The following GTF2IRD1 variants were observed in gnomAD, a reference collection of about 807,000 sequenced individuals.
The protein encoded by GTF2IRD1 is GTF2I repeat domain containing 1.
In GTF2IRD1, 26 loss-of-function variants were observed where a neutral mutation model predicts 113.2. The observed-to-expected ratio is 0.23, with a 90% CI of 0.17 to 0.32. The LOEUF (loss-of-function observed/expected upper bound fraction) is 0.32, where lower values mean the gene tolerates loss of function less well. GTF2IRD1 is among the 10% of genes least tolerant of loss of function. The pLI is 1.00. For missense variants in GTF2IRD1, 864 were observed against 1,280.8 expected (o/e 0.67, Z 4.97); for synonymous variants, 484 against 529.1 (o/e 0.91, Z 1.17).
At chr7:74,582,204 C>T (rs2267813) in intron 22 of GTF2IRD1, among the ~76,000 whole-genome samples, 11,255 of 152,222 alleles carry the variant, frequency 0.074, 581 homozygotes, top group East Asian at 0.19. Flanking sequence ...CAGATCGAGA[C>T]GTTGCCCTTT....
intron 1 of GTF2IRD1, among the ~76,000 whole-genome samples, chr7:74,501,415 G>A (rs1409479357): frequency 2.0e-5 from 3 of 152,170 alleles, no homozygotes; most frequent in African/African-American, 4.8e-5. Context: ...AACTGGTCCC[G>A]GCATTTGGGA....
chr7:74,590,490 G>A (rs1313800292), intron 23 of GTF2IRD1, among the ~76,000 whole-genome samples: 3 of 151,720 alleles, frequency 2.0e-5, no homozygotes, highest in African/African-American at 2.4e-5. Context: ...CTGGGTTCAC[G>A]TCATTCTCCT....
At chr7:74,468,356 TTAA>T (rs1793856102) in intron 1 of GTF2IRD1, among the ~76,000 whole-genome samples, 3 of 11,048 alleles carry the variant, frequency 2.7e-4, no homozygotes, top group Admixed American at 1.4e-3. Context: ...TAAAAATAAT[TTAA>T]AAAAAAAAAA....
chr7:74,501,756 A>G (rs1384808611), intron 1 of GTF2IRD1, among the ~76,000 whole-genome samples: 1 of 152,004 alleles, frequency 6.6e-6, no homozygotes, highest in African/African-American at 2.4e-5. Flanking sequence ...GGTTCGAGCG[A>G]TTCTCCTGTC....
intron 1 of GTF2IRD1, among the ~76,000 whole-genome samples, chr7:74,494,620 CTTAT>C (rs1177826026): frequency 3.9e-5 from 6 of 152,044 alleles, no homozygotes; most frequent in Non-Finnish European, 5.9e-5. Flanking sequence ...GTATTAAGAA[CTTAT>C]TTATTTATTT....
At chr7:74,559,195 G>A (rs1480413450) in intron 21 of GTF2IRD1, 151 bp downstream of exon 21, 2 of 725,900 alleles carry the variant, frequency 2.8e-6, no homozygotes, top group East Asian at 5.5e-5. Context: ...GGTGGTTGGA[G>A]AGGGACTGCA....
chr7:74,559,805 AG>A, intron 22 of GTF2IRD1, 150 bp downstream of exon 22: 1 of 582,778 alleles, frequency 1.7e-6, no homozygotes, highest in African/African-American at 2.0e-5. Flanking sequence ...TCTGAGGCAG[AG>A]TCCTTCTCTG....
chr7:74,474,675 TTG>T (rs1554333175), intron 1 of GTF2IRD1, among the ~76,000 whole-genome samples: 1 of 152,182 alleles, frequency 6.6e-6, no homozygotes, highest in African/African-American at 2.4e-5. Flanking sequence ...GAGAGTACTG[TTG>T]TGTTTGTAGT....
chr7:74,600,955 T>C, intron 25 of GTF2IRD1, 89 bp from the exon 26 acceptor site: 1 of 1,456,210 alleles, frequency 6.9e-7, no homozygotes. Flanking sequence ...CTCGAAACCT[T>C]AAGACAGAGC....
At chr7:74,523,929 C>T (rs587767275) in intron 7 of GTF2IRD1, 142 bp from the exon 8 acceptor site, 14 of 654,632 alleles carry the variant, frequency 2.1e-5, no homozygotes, top group African/African-American at 8.9e-5. Context: ...GTGTATGGTC[C>T]GAGGTGGGAG....
intron 1 of GTF2IRD1, among the ~76,000 whole-genome samples, chr7:74,472,266 C>CA (rs1489962313): frequency 6.6e-6 from 1 of 151,876 alleles, no homozygotes; most frequent in East Asian, 1.9e-4. Context: ...CCCCTCTTTC[C>CA]CTTCCTTGGA....
intron 22 of GTF2IRD1, among the ~76,000 whole-genome samples, chr7:74,588,573 C>T (rs782712593): frequency 2.0e-5 from 3 of 151,942 alleles, no homozygotes; most frequent in Non-Finnish European, 4.4e-5. Context: ...CTCTGTCTCC[C>T]GGGCTGGACT....
chr7:74,523,144 A>G (rs1554346380), intron 7 of GTF2IRD1, among the ~76,000 whole-genome samples: 2 of 152,186 alleles, frequency 1.3e-5, no homozygotes, highest in South Asian at 4.1e-4. Context: ...GTTTGAGTCC[A>G]AGAGTTGGAG....
intron 1 of GTF2IRD1, among the ~76,000 whole-genome samples, chr7:74,470,707 T>C (rs1055457424): frequency 6.6e-5 from 10 of 152,202 alleles, no homozygotes; most frequent in Admixed American, 6.6e-4. Context: ...AAAGGATGAA[T>C]GATGGATACC....
Position 74,555,452 on chromosome 7 carries a change from G to C in GTF2IRD1, c.1981G>C (p.Asp661His), listed in dbSNP as rs1554356508. 70 of 1,613,786 alleles carry C rather than the reference G, an allele frequency of 4.3e-5. No individual in the cohort carries two copies. The highest frequency in any genetic ancestry group is 5.8e-5 in the Non-Finnish European group (68 of 1,179,648). ...CCTGCCCCCAGAGAGGGATTCCGGG[G>C]ACCCTCTGGTGGACGAGAGCCTGAA... ...IMDSQERDSG[D>H]PLVDESLKRQ... The change falls in exon 19 of 27, where the codon GAC (aspartate) becomes CAC (histidine). Residue 661 changes from aspartate to histidine, a missense_variant. Physicochemically the swap from Asp to His is moderately conservative, Grantham distance 81 (BLOSUM62 -1). Coordinates refer to ENST00000424337, the MANE Select transcript of GTF2IRD1 (RefSeq NM_005685.4). The surrounding 1 kb of genome is among the most constrained non-coding windows in gnomAD (Gnocchi z 5.3).
intron 26 of GTF2IRD1, 52 bp downstream of exon 26, chr7:74,601,232 CTCTG>C (rs1554373993): frequency 1.9e-6 from 3 of 1,552,626 alleles, no homozygotes; most frequent in Non-Finnish European, 2.6e-6. Flanking sequence ...GCCCTCACCC[CTCTG>C]TCTGGCAGGG....
intron 2 of GTF2IRD1, among the ~76,000 whole-genome samples, chr7:74,510,990 A>G (rs1796598788): frequency 1.3e-5 from 2 of 151,670 alleles, no homozygotes; most frequent in South Asian, 4.2e-4. Context: ...CAGAGGTTAC[A>G]GTGAGCCGAG....
intron 22 of GTF2IRD1, among the ~76,000 whole-genome samples, chr7:74,574,997 G>A (rs1405041002): frequency 3.9e-5 from 6 of 152,118 alleles, no homozygotes; most frequent in Non-Finnish European, 8.8e-5. Context: ...GGCTGAGGCA[G>A]GAGAATCGCT....
intron 22 of GTF2IRD1, among the ~76,000 whole-genome samples, chr7:74,579,058 G>A (rs587694940): frequency 1.3e-4 from 19 of 151,894 alleles, no homozygotes; most frequent in African/African-American, 3.6e-4. Flanking sequence ...CTGGTGACTC[G>A]CCCCTGTAAT....
Sources: gnomAD v4.1 joint callset for allele counts (sites outside exome capture counted in the v4.1 genomes callset) on GRCh38, gnomAD v4.1.1 for gene constraint, Gnocchi (gnomAD v3.1) non-coding constraint, MANE v1.5 for transcripts, NCBI Gene and HGNC (gene_info 2026-07-23, HGNC 2026-07-21) for gene names.